Variants in FBXO11 observed in about 807,000 individuals in gnomAD.
The protein encoded by FBXO11 is F-box only protein 11.
Under a neutral mutation model 117.0 loss-of-function variants are expected in FBXO11, and 13 were observed. That is an observed-to-expected ratio of 0.11 (90% CI 0.07 to 0.18). The LOEUF (loss-of-function observed/expected upper bound fraction) is 0.18, where lower values mean the gene tolerates loss of function less well. FBXO11 is among the 10% of genes least tolerant of loss of function. The pLI, the probability that FBXO11 is intolerant of heterozygous loss-of-function variation, is 1.00. For missense variants in FBXO11, 767 were observed against 1,164.4 expected (o/e 0.66, Z 4.97); for synonymous variants, 490 against 380.5 (o/e 1.29, Z -3.35).
At chr2:47,897,634 T>G (rs976279053) in intron 1 of FBXO11, among the ~76,000 whole-genome samples, 8 of 148,520 alleles carry the variant, frequency 5.4e-5, no homozygotes, top group African/African-American at 2.0e-4. Flanking sequence ...GAGGCAGAGG[T>G]TGCAGTGAGC....
chr2:47,904,028 C>T (rs1483522737), intron 1 of FBXO11, among the ~76,000 whole-genome samples: 1 of 152,238 alleles, frequency 6.6e-6, no homozygotes, highest in Non-Finnish European at 1.5e-5. Flanking sequence ...ACTGCTTTCT[C>T]TAAGACTACC....
intron 13 of FBXO11, among the ~76,000 whole-genome samples, chr2:47,821,333 A>G (rs904755182): frequency 3.3e-5 from 5 of 152,084 alleles, no homozygotes; most frequent in Admixed American, 2.0e-4. Flanking sequence ...AAAAATGGCC[A>G]GGCGCGGTGG....
chr2:47,810,288 G>A (rs1670526541), intron 19 of FBXO11, 28 bp downstream of exon 19: 1 of 1,440,534 alleles, frequency 6.9e-7, no homozygotes, highest in Non-Finnish European at 9.6e-7. Flanking sequence ...CTATATATAA[G>A]CCACAGGTAA....
intron 20 of FBXO11, 40 bp downstream of exon 20, chr2:47,809,560 A>G (rs770086772): frequency 2.2e-6 from 3 of 1,368,630 alleles, no homozygotes; most frequent in African/African-American, 2.9e-5. Context: ...CTTTCATGGC[A>G]TATTGCATAT....
At chr2:47,859,386 C>A (rs1674579227) in intron 1 of FBXO11, among the ~76,000 whole-genome samples, 1 of 152,132 alleles carries the variant, frequency 6.6e-6, no homozygotes, top group African/African-American at 2.4e-5. Flanking sequence ...GGAGTTAAGA[C>A]TGAATTCAAT....
intron 1 of FBXO11, among the ~76,000 whole-genome samples, chr2:47,852,809 A>G (rs182724113): frequency 1.3e-5 from 2 of 152,186 alleles, no homozygotes; most frequent in South Asian, 2.1e-4. Context: ...CATCAACTTC[A>G]TAAGGGACAT....
intron 1 of FBXO11, among the ~76,000 whole-genome samples, chr2:47,889,556 T>C (rs1450624858): frequency 1.3e-5 from 2 of 152,054 alleles, no homozygotes; most frequent in Admixed American, 6.6e-5. Context: ...TGTTTCAAAG[T>C]CCTACATTTT....
At chr2:47,823,944 G>C (rs1173274676) in intron 11 of FBXO11, among the ~76,000 whole-genome samples, 2 of 151,684 alleles carry the variant, frequency 1.3e-5, no homozygotes, top group Non-Finnish European at 2.9e-5. Context: ...CAATCCTCCC[G>C]CCTCAGCCTT....
intron 14 of FBXO11, among the ~76,000 whole-genome samples, 186 bp from the exon 15 acceptor site, chr2:47,819,264 T>TG (rs1316112776): frequency 6.6e-6 from 1 of 152,250 alleles, no homozygotes; most frequent in Non-Finnish European, 1.5e-5. Context: ...TCGCCCAGGC[T>TG]GGAGTACAGT....
intron 21 of FBXO11, 181 bp from the exon 22 acceptor site, chr2:47,808,608 TG>T: frequency 1.9e-6 from 1 of 518,774 alleles, no homozygotes; most frequent in Non-Finnish European, 3.4e-6. Context: ...TCCTGTCATC[TG>T]TGTCTTCGGA....
chr2:47,837,782 G>C (rs1172852569), intron 4 of FBXO11, among the ~76,000 whole-genome samples: 2 of 152,156 alleles, frequency 1.3e-5, no homozygotes, highest in African/African-American at 2.4e-5. Flanking sequence ...CCAGGCTGCA[G>C]TGCAGTGGCA....
chr2:47,823,163 T>A lies in FBXO11; in HGVS notation c.1596A>T (p.Ser532=). 1 of 1,612,948 alleles carries A rather than the reference T, an allele frequency of 6.2e-7. No individual in the cohort carries two copies. The highest frequency in any genetic ancestry group is 8.5e-7 in the Non-Finnish European group (1 of 1,179,274). Residue 532 remains serine, a synonymous_variant, in exon 12 of 23, where the codon TCA becomes TCT. Coordinates refer to ENST00000403359, the MANE Select transcript of FBXO11 (RefSeq NM_001190274.2). ...ANNFAGVWIT[S]NSDPTIRGNS... ...AATACCTTATTGTTGGGTCACTATTTGAGGTAATCCATACACCTGCAAAGT... is the reference window on the plus strand; with the variant it reads ...AATACCTTATTGTTGGGTCACTATTAGAGGTAATCCATACACCTGCAAAGT...
chr2:47,887,013 C>T lies in FBXO11; in HGVS notation c.232+18476G>A, dbSNP rs919933528. Among the ~76,000 whole-genome samples, 2 of 152,094 alleles carry T rather than the reference C, an allele frequency of 1.3e-5. 1 individual carries two copies. The highest frequency in any genetic ancestry group is 4.8e-5 in the African/African-American group (2 of 41,412). On this transcript the variant is annotated intron_variant, in intron 1 of 22. Coordinates refer to ENST00000403359, the MANE Select transcript of FBXO11 (RefSeq NM_001190274.2). ...GGGTAAAAGAGCGACAGGGCAGACA[C>T]CGTGGCTCATGCCTGTAATCCCAGC...
rs184900517 is a variant in FBXO11, at chr2:47,900,913, T to C, written c.232+4576A>G. ...ACGTATATATACACACATATATATG[T>C]ATATATATACACGTATTTATGGAAT... is the stretch of plus-strand genomic sequence containing the variant. On this transcript the variant is annotated intron_variant, in intron 1 of 22. Coordinates refer to ENST00000403359, the MANE Select transcript of FBXO11 (RefSeq NM_001190274.2). 1.7e-3 allele frequency among the ~76,000 whole-genome samples: 245 copies of C among 143,230 alleles called. 7 individuals carry two copies. The highest frequency in any genetic ancestry group is 7.5e-3 in the Middle Eastern group (2 of 268). 94.0% of individuals were successfully genotyped at this position (143,230 alleles called of 152,430 possible).
intron 1 of FBXO11, among the ~76,000 whole-genome samples, chr2:47,850,153 G>T (rs75485319): frequency 6.6e-6 from 1 of 152,140 alleles, no homozygotes. Context: ...TTGATGAGTG[G>T]GTATGGTGGG....
At chr2:47,841,786 A>C (rs1212454068) in intron 1 of FBXO11, among the ~76,000 whole-genome samples, 1 of 149,860 alleles carries the variant, frequency 6.7e-6, no homozygotes, top group Non-Finnish European at 1.5e-5. Flanking sequence ...GACTACAGGC[A>C]CACACCACCA....
intron 1 of FBXO11, among the ~76,000 whole-genome samples, chr2:47,879,818 G>C (rs182442762): frequency 6.6e-6 from 1 of 152,218 alleles, no homozygotes; most frequent in East Asian, 1.9e-4. Flanking sequence ...CTAAGGGTTT[G>C]ACTACTTTAG....
chr2:47,807,972 G>A lies in FBXO11; in HGVS notation c.*146C>T, dbSNP rs1023210725. 4.2e-6 allele frequency: 3 copies of A among 714,608 alleles called. No homozygotes were observed. The Admixed American group carries it at 7.8e-5, about 19-fold the overall frequency. 44.3% of individuals were successfully genotyped at this position (714,608 alleles called of 1,614,324 possible). On this transcript the variant is annotated 3_prime_UTR_variant, in exon 23 of 23. Transcript: ENST00000403359. ...ATTGCCACTTTCTTTTTGGTAGCTT[G>A]AGCTTCATAGTGTCAACTGACCTTG...
Position 47,905,641 on chromosome 2 carries a change from G to GGCTGCTGCGGGGGCT in FBXO11, c.79_80insAGCCCCCGCAGCAGC (p.Gln26_Pro27insGlnProProGlnGln), listed in dbSNP as rs1678752680. 1.4e-6 allele frequency: 2 copies of GGCTGCTGCGGGGGCT among 1,433,898 alleles called. No individual in the cohort carries two copies. Among genetic ancestry groups the GGCTGCTGCGGGGGCT allele is most frequent in the South Asian group, 2.8e-5 (2 of 71,832 alleles). The allele number at this position is 1,433,898 out of a possible 1,614,324, so 88.8% of individuals were successfully genotyped here. ...CGGCTGCGGCGGCGGCTGCTGCGGG[G>GGCTGCTGCGGGGGCT]GCTGCTGCTGCTGTTGCTGCACCGG... On this transcript the variant is annotated inframe_insertion, in exon 1 of 23. Transcript: ENST00000403359.
Sources: allele counts gnomAD v4.1 joint callset (sites outside exome capture counted in the v4.1 genomes callset), GRCh38; gene constraint gnomAD v4.1.1; transcripts MANE v1.5; gene names NCBI Gene and HGNC (gene_info 2026-07-23, HGNC 2026-07-21).